Variants in GPR141 observed in about 807,000 individuals in gnomAD.
GPR141 encodes G protein-coupled receptor 141.
A neutral mutation model predicts 6.8 loss-of-function variants in GPR141; 6 were observed. The ratio of observed to expected loss-of-function variants is 0.88; its 90% CI spans 0.48 to 1.74. The LOEUF is 1.74. GPR141 is among the 40% of genes most tolerant of loss of function. The pLI, the probability that GPR141 is intolerant of heterozygous loss-of-function variation, is 0.01. For missense variants in GPR141, 372 were observed against 372.9 expected (o/e 1.00, Z 0.02); for synonymous variants, 140 against 142.3 (o/e 0.98, Z 0.11).
At chr7:37,704,758 A>C (rs1810445977) in intron 2 of GPR141, among the ~76,000 whole-genome samples, 1 of 152,160 alleles carries the variant, frequency 6.6e-6, no homozygotes, top group Non-Finnish European at 1.5e-5. Context: ...AGCATTGATG[A>C]ATAACTTCAG....
In GPR141 at chr7:37,740,971, C is replaced by T. The variant is rs756081456; in HGVS notation, c.578C>T (p.Ala193Val). 6 of 1,613,874 alleles carry T rather than the reference C, an allele frequency of 3.7e-6. No individual in the cohort carries two copies. The highest frequency in any genetic ancestry group is 5.1e-6 in the Non-Finnish European group (6 of 1,179,778). Residue 193 changes from alanine to valine, a missense_variant, in exon 3 of 3, where the codon GCT becomes GTT. Transcript: ENST00000334425. ...YMIVIFVIAV[A>V]VILLVFQVFI... ...ATAGTCATTTTTGTCATAGCCGTTGCTGTGATTCTGTTGGTCTTCCAGGTC... is the reference window on the plus strand; with the variant it reads ...ATAGTCATTTTTGTCATAGCCGTTGTTGTGATTCTGTTGGTCTTCCAGGTC...
intron 2 of GPR141, among the ~76,000 whole-genome samples, chr7:37,695,113 G>A (rs58707766): frequency 0.39 from 59,082 of 152,008 alleles, 11,862 homozygotes; most frequent in African/African-American, 0.47. Flanking sequence ...AGGCAAGGGG[G>A]CAGATGGAGG....
rs1812560514 is a variant in GPR141 at position 37,741,451 on chromosome 7, G to A, written c.*140G>A. On this transcript the variant is annotated 3_prime_UTR_variant, in exon 3 of 3. Transcript: ENST00000334425. ...AACAAAAGGACTATAAAATGCAAGA[G>A]CCCTCATTGTAGTCCTTATGGGATC... 1.5e-6 allele frequency: 1 copy of A among 646,216 alleles called. No homozygotes were observed. Among genetic ancestry groups the A allele is most frequent in the Non-Finnish European group, 2.6e-6 (1 of 382,672 alleles). 40.0% of individuals were successfully genotyped at this position (646,216 alleles called of 1,614,324 possible).
At chr7:37,691,288 C>CTTTTTT (rs1562764892) in intron 2 of GPR141, among the ~76,000 whole-genome samples, 3 of 63,090 alleles carry the variant, frequency 4.8e-5, no homozygotes, top group Admixed American at 2.9e-4. Flanking sequence ...AGTCTATATC[C>CTTTTTT]TTTTTTTTTT....
intron 2 of GPR141, among the ~76,000 whole-genome samples, chr7:37,731,736 A>G (rs186332585): frequency 2.0e-5 from 3 of 152,370 alleles, no homozygotes; most frequent in Non-Finnish European, 4.4e-5. Flanking sequence ...ACAGGCGCAA[A>G]GGAATACTTC....
intron 2 of GPR141, among the ~76,000 whole-genome samples, chr7:37,700,830 A>C (rs1810249080): frequency 6.6e-6 from 1 of 152,208 alleles, no homozygotes; most frequent in African/African-American, 2.4e-5. Context: ...TGAAATTTGA[A>C]GCCAGATCTT....
rs750003500 is a variant in GPR141, at chr7:37,741,337, C to T, written c.*26C>T. On this transcript the variant is annotated 3_prime_UTR_variant, in exon 3 of 3. Transcript: ENST00000334425. ...CCACAAACTACAGTATTCATATTTG[C>T]TTCCTTTATATTGGGAATAAAAATG... 5 of 1,499,072 alleles carry T rather than the reference C, an allele frequency of 3.3e-6. No homozygotes were observed. The highest frequency in any genetic ancestry group is 2.8e-5 in the African/African-American group (2 of 71,536). 92.9% of individuals were successfully genotyped at this position (1,499,072 alleles called of 1,614,324 possible). A position where few individuals can be genotyped will look rare whatever the true frequency, so the allele number is the denominator to read the frequency against.
At chr7:37,717,403 A>G (rs1811098764) in intron 2 of GPR141, among the ~76,000 whole-genome samples, 1 of 152,230 alleles carries the variant, frequency 6.6e-6, no homozygotes, top group East Asian at 1.9e-4. Flanking sequence ...TTTCTGAAAA[A>G]GGAGGAGTAG....
intron 2 of GPR141, among the ~76,000 whole-genome samples, chr7:37,704,198 CAAGT>C (rs1186888723): frequency 1.4e-4 from 21 of 151,768 alleles, no homozygotes; most frequent in Non-Finnish European, 2.9e-4. Context: ...AAAACTAGGA[CAAGT>C]AAGTAGACTG....
intron 2 of GPR141, among the ~76,000 whole-genome samples, chr7:37,737,771 A>G (rs954354462): frequency 1.3e-5 from 2 of 152,152 alleles, no homozygotes; most frequent in African/African-American, 2.4e-5. Flanking sequence ...GCAACAGACT[A>G]GCAGAAACTA....
chr7:37,710,805 G>A (rs1354609197), intron 2 of GPR141, among the ~76,000 whole-genome samples: 1 of 152,104 alleles, frequency 6.6e-6, no homozygotes, highest in African/African-American at 2.4e-5. Context: ...ACAATATTTT[G>A]ATTGCTATTT....
chr7:37,694,905 T>C (rs1252354100), intron 2 of GPR141, among the ~76,000 whole-genome samples: 1 of 152,042 alleles, frequency 6.6e-6, no homozygotes, highest in East Asian at 1.9e-4. Context: ...TACAGCTCTA[T>C]CCTAAGGCTA....
At chr7:37,727,389 C>T (rs957558103) in intron 2 of GPR141, among the ~76,000 whole-genome samples, 1 of 152,054 alleles carries the variant, frequency 6.6e-6, no homozygotes, top group Non-Finnish European at 1.5e-5. Context: ...TGGGAGTATT[C>T]TCAACCTTCT....
chr7:37,733,132 G>T (rs935876043), intron 2 of GPR141, among the ~76,000 whole-genome samples: 3 of 152,178 alleles, frequency 2.0e-5, no homozygotes, highest in African/African-American at 7.2e-5. Flanking sequence ...ACATGAATAG[G>T]TCTGGGCGGG....
intron 2 of GPR141, among the ~76,000 whole-genome samples, chr7:37,706,658 C>T (rs1422585420): frequency 6.6e-6 from 1 of 152,082 alleles, no homozygotes; most frequent in Non-Finnish European, 1.5e-5. Flanking sequence ...CTCAGCTGAA[C>T]CTAGTACTCA....
In GPR141 at chr7:37,732,857, TG is replaced by T. The variant is rs1812040320; in HGVS notation, c.-14-7520del. ...GACGCAGATAAAACTTAGTTCTGAT[TG>T]GGAGAAGGTTATTACAAAGCTTGAG... On this transcript the variant is annotated intron_variant, in intron 2 of 2. Coordinates refer to ENST00000334425, the MANE Select transcript of GPR141 (RefSeq NM_001381946.1). 2.0e-5 allele frequency among the ~76,000 whole-genome samples: 3 copies of T among 152,144 alleles called. No individual in the cohort carries two copies. In the South Asian group the frequency reaches 6.2e-4, roughly 32 times the overall value.
At chr7:37,736,716 T>G (rs1369970060) in intron 2 of GPR141, among the ~76,000 whole-genome samples, 2 of 152,092 alleles carry the variant, frequency 1.3e-5, no homozygotes, top group African/African-American at 4.8e-5. Flanking sequence ...AAAATAAAGA[T>G]GAAATGAAAA....
chr7:37,695,336 C>T (rs1232809504), intron 2 of GPR141, among the ~76,000 whole-genome samples: 1 of 152,202 alleles, frequency 6.6e-6, no homozygotes, highest in African/African-American at 2.4e-5. Context: ...AGTAGCCATG[C>T]AGGCCACTGG....
At chr7:37,698,072 C>A (rs902075538) in intron 2 of GPR141, among the ~76,000 whole-genome samples, 3 of 152,148 alleles carry the variant, frequency 2.0e-5, no homozygotes, top group South Asian at 2.1e-4. Flanking sequence ...TAAGTTTATT[C>A]CTTATTGCCT....
Sources: gnomAD v4.1 joint callset for allele counts (sites outside exome capture counted in the v4.1 genomes callset) on GRCh38, gnomAD v4.1.1 for gene constraint, MANE v1.5 for transcripts, NCBI Gene and HGNC (gene_info 2026-07-23, HGNC 2026-07-21) for gene names.